The following FXR1 variants were observed in gnomAD, a reference collection of about 807,000 sequenced individuals.
The protein encoded by FXR1 is FMR1 autosomal homolog 1, also known as RNA-binding protein FXR1.
In FXR1, 15 loss-of-function variants were observed where a neutral mutation model predicts 84.0. That is an observed-to-expected ratio of 0.18 (90% CI 0.12 to 0.27). The LOEUF (loss-of-function observed/expected upper bound fraction) is 0.27. FXR1 is among the 10% of genes least tolerant of loss of function. FXR1 has a pLI of 1.00. For synonymous variants in FXR1, 245 were observed against 250.7 expected, an observed-to-expected ratio of 0.98 and a Z score of 0.21; for missense variants, 480 against 774.4, an observed-to-expected ratio of 0.62 and a Z score of 4.51.
chr3:180,918,133 T>A (rs1412572530), intron 1 of FXR1, among the ~76,000 whole-genome samples: 1 of 152,108 alleles, frequency 6.6e-6, no homozygotes, highest in African/African-American at 2.4e-5. Flanking sequence ...TATTTTTCCG[T>A]ATTTTTACTT....
chr3:180,953,328 T>C (rs1310221291), intron 8 of FXR1, among the ~76,000 whole-genome samples: 1 of 152,196 alleles, frequency 6.6e-6, no homozygotes, highest in Non-Finnish European at 1.5e-5. Flanking sequence ...AAAATAGCTT[T>C]TTAAGTCATA....
chr3:180,935,602 T>G (rs973188501), intron 3 of FXR1, among the ~76,000 whole-genome samples: 2 of 152,232 alleles, frequency 1.3e-5, no homozygotes. Context: ...CTTTATGAGG[T>G]GTTAATAGTT....
chr3:180,956,819 A>G (rs1168783726), intron 9 of FXR1, among the ~76,000 whole-genome samples: 3 of 152,186 alleles, frequency 2.0e-5, no homozygotes, highest in African/African-American at 7.2e-5. Context: ...TGTACTGACC[A>G]GTCTACTGTT....
rs769925166 is a variant in FXR1 at position 180,957,841 on chromosome 3, C to T, written c.903C>T (p.Gly301=). The change falls in exon 10 of 17, where the codon GGC becomes GGT. Residue 301 remains glycine, a synonymous_variant. Transcript: ENST00000357559. ...AAGGAAAAGTAATTGGAAAAAATGG[C>T]AAAGTTATTCAAGAAATAGTGGACA... ...NLVGKVIGKN[G]KVIQEIVDKS... is the part of the protein sequence containing the mutation. The T allele has an allele frequency of 1.9e-6, 3 of 1,564,652 alleles. No homozygotes were observed. Among genetic ancestry groups the T allele is most frequent in the Middle Eastern group, 3.4e-4 (2 of 5,810 alleles).
chr3:180,938,697 C>T lies in FXR1; in HGVS notation c.198+3466C>T, dbSNP rs181568020. Among the ~76,000 whole-genome samples, 14 of 151,898 alleles carry T rather than the reference C, an allele frequency of 9.2e-5. No individual in the cohort carries two copies. In the South Asian group the frequency reaches 1.5e-3, roughly 16 times the overall value. ...CCTAGTAGCTGGGATTACAGGCATG[C>T]GCCATCATACCCGGCTGATTTTGTA... On this transcript the variant is annotated intron_variant, in intron 3 of 16. Coordinates refer to ENST00000357559, the MANE Select transcript of FXR1 (RefSeq NM_005087.4).
At chr3:180,955,366 C>T (rs1054157723) in intron 9 of FXR1, among the ~76,000 whole-genome samples, 1 of 152,066 alleles carries the variant, frequency 6.6e-6, no homozygotes, top group Non-Finnish European at 1.5e-5. Flanking sequence ...TGTGTAAGCT[C>T]TACTTTATTA....
chr3:180,947,184 G>A (rs1721787201), intron 3 of FXR1, among the ~76,000 whole-genome samples: 1 of 152,058 alleles, frequency 6.6e-6, no homozygotes, highest in Non-Finnish European at 1.5e-5. Flanking sequence ...GAGTAGATGA[G>A]ATTACAGGCA....
chr3:180,932,291 A>G (rs1020670646), intron 1 of FXR1, among the ~76,000 whole-genome samples: 2 of 152,110 alleles, frequency 1.3e-5, no homozygotes, highest in African/African-American at 4.8e-5. Context: ...TATGGAGTCT[A>G]GTGTGATAAA....
At chr3:180,946,408 C>G (rs528235560) in intron 3 of FXR1, among the ~76,000 whole-genome samples, 1 of 152,100 alleles carries the variant, frequency 6.6e-6, no homozygotes, top group Non-Finnish European at 1.5e-5. Context: ...ATAAAAGGGC[C>G]CAGTGGATAC....
intron 1 of FXR1, among the ~76,000 whole-genome samples, chr3:180,923,203 C>G (rs1296714825): frequency 6.6e-6 from 1 of 152,154 alleles, no homozygotes; most frequent in African/African-American, 2.4e-5. Flanking sequence ...CTCTCCTTAG[C>G]TGTATCTCCC....
In FXR1 at chr3:180,953,774, G is replaced by A; in HGVS notation, c.814G>A (p.Val272Ile). Residue 272 changes from valine (V) to isoleucine (I), a missense_variant, in exon 9 of 17, where the codon GTA becomes ATA. Transcript: ENST00000357559. ...FRIYGESADA[V>I]KKARGFLEFV... ...CCCTCATCTACAGAGTGCTGATGCT[G>A]TAAAAAAGGCTAGAGGTTTCTTGGA... is the stretch of plus-strand genomic sequence containing the variant. 1 of 1,571,634 alleles carries A rather than the reference G, an allele frequency of 6.4e-7. No homozygotes were observed. Among genetic ancestry groups the A allele is most frequent in the Non-Finnish European group, 8.8e-7 (1 of 1,142,344 alleles).
intron 8 of FXR1, among the ~76,000 whole-genome samples, chr3:180,953,193 T>C (rs1169692610): frequency 6.6e-6 from 1 of 152,192 alleles, no homozygotes; most frequent in Non-Finnish European, 1.5e-5. Context: ...GTGACTTTAT[T>C]GAGAAGTAGA....
Position 180,932,440 on chromosome 3 carries a change from A to G in FXR1, c.52-894A>G, listed in dbSNP as rs984038473. ...GTTAATTGTAATTATATAAGTGCCAAGGACTGCTTGCCTATGGTTACACAG... is the reference window on the plus strand; with the variant it reads ...GTTAATTGTAATTATATAAGTGCCAGGGACTGCTTGCCTATGGTTACACAG... On this transcript the variant is annotated intron_variant, in intron 1 of 16. Transcript: ENST00000357559. Among the ~76,000 whole-genome samples, 62 of 152,244 alleles carry G rather than the reference A, an allele frequency of 4.1e-4. 1 individual carries two copies. Among genetic ancestry groups the G allele is most frequent in the Admixed American group, 2.2e-3 (34 of 15,282 alleles).
At chr3:180,948,903 C>T in intron 6 of FXR1, 89 bp downstream of exon 6, 1 of 742,584 alleles carries the variant, frequency 1.3e-6, no homozygotes, top group Non-Finnish European at 2.4e-6. Context: ...AAGCTAAGAT[C>T]AACTTAGTGT....
At chr3:180,914,436 A>AT (rs1205710217) in intron 1 of FXR1, among the ~76,000 whole-genome samples, 1 of 151,870 alleles carries the variant, frequency 6.6e-6, no homozygotes, top group African/African-American at 2.4e-5. Flanking sequence ...GGAGGTATGC[A>AT]TTTTTTCTTG....
At chr3:180,975,994 ACT>A in intron 16 of FXR1, 126 bp from the exon 17 acceptor site, 5 of 631,840 alleles carry the variant, frequency 7.9e-6, no homozygotes, top group Non-Finnish European at 1.4e-5. Context: ...ATGTTTTAAT[ACT>A]TTGATCCATT....
At chr3:180,920,351 C>T (rs1411731342) in intron 1 of FXR1, among the ~76,000 whole-genome samples, 1 of 152,062 alleles carries the variant, frequency 6.6e-6, no homozygotes, top group Non-Finnish European at 1.5e-5. Context: ...TAACTGCTAA[C>T]TTCATCATTT....
At chr3:180,971,205 A>T in intron 15 of FXR1, 2 of 593,130 alleles carry the variant, frequency 3.4e-6, no homozygotes, top group Non-Finnish European at 4.8e-6. Context: ...CATGAAAAAA[A>T]TGTCTATGTC....
chr3:180,913,187 C>T (rs959022529), intron 1 of FXR1, among the ~76,000 whole-genome samples: 3 of 152,174 alleles, frequency 2.0e-5, no homozygotes, highest in African/African-American at 7.2e-5. Flanking sequence ...CCCTCCCCAC[C>T]CCTTGGGGCG....
Sources: gnomAD v4.1 joint callset for allele counts (sites outside exome capture counted in the v4.1 genomes callset) on GRCh38, gnomAD v4.1.1 for gene constraint, MANE v1.5 for transcripts, NCBI Gene and HGNC (gene_info 2026-07-23, HGNC 2026-07-21) for gene names.